Variants in NAALADL2 observed in about 807,000 individuals in gnomAD.
NAALADL2 encodes the protein N-acetylated alpha-linked acidic dipeptidase like 2, also known as inactive N-acetylated-alpha-linked acidic dipeptidase-like protein 2.
A neutral mutation model predicts 87.2 loss-of-function variants in NAALADL2; 76 were observed. That is an observed-to-expected ratio of 0.87 (90% CI 0.72 to 1.05). The LOEUF (loss-of-function observed/expected upper bound fraction) is 1.05, where lower values mean the gene tolerates loss of function less well. Ranked by LOEUF, NAALADL2 falls within the 50% of genes least tolerant of loss-of-function variation. The probability of loss-of-function intolerance (pLI) is 0.00; values close to 1 mark genes in which losing one functional copy is unlikely to be tolerated. For synonymous variants in NAALADL2, 354 were observed against 331.0 expected (o/e 1.07, Z -0.75); for missense variants, 1,089 against 945.8 (o/e 1.15, Z -1.99).
At chr3:175,768,919 A>G (rs1749111799) in intron 13 of NAALADL2, among the ~76,000 whole-genome samples, 1 of 152,092 alleles carries the variant, frequency 6.6e-6, no homozygotes, top group African/African-American at 2.4e-5. Flanking sequence ...TTTAAAACTG[A>G]GTTTGAATAA....
intron 1 of NAALADL2, among the ~76,000 whole-genome samples, chr3:174,546,241 T>A (rs976304932): frequency 6.6e-6 from 1 of 152,098 alleles, no homozygotes; most frequent in Non-Finnish European, 1.5e-5. Flanking sequence ...AGGAAGAGTA[T>A]GAAATTCCCA....
intron 9 of NAALADL2, among the ~76,000 whole-genome samples, chr3:175,487,806 T>C (rs1727519219): frequency 6.6e-6 from 1 of 152,190 alleles, no homozygotes; most frequent in African/African-American, 2.4e-5. Context: ...AGAAAATGTG[T>C]CTAATCCAGA....
At chr3:175,714,549 T>C (rs1740980213) in intron 11 of NAALADL2, among the ~76,000 whole-genome samples, 1 of 152,212 alleles carries the variant, frequency 6.6e-6, no homozygotes, top group African/African-American at 2.4e-5. Context: ...TGTCTGTTCA[T>C]ATCCTTTGCC....
At chr3:174,873,233 A>C (rs1039888591) in intron 1 of NAALADL2, among the ~76,000 whole-genome samples, 1 of 15,192 alleles carries the variant, frequency 6.6e-5, no homozygotes, top group Non-Finnish European at 2.1e-4. Flanking sequence ...ACATGTCTTT[A>C]TTTATTTATT....
chr3:174,611,653 G>A (rs749417685), intron 2 of NAALADL2, among the ~76,000 whole-genome samples: 6 of 152,070 alleles, frequency 3.9e-5, no homozygotes, highest in Non-Finnish European at 1.5e-5. Flanking sequence ...GAGCAGTGGT[G>A]TGATCTCGGC....
intron 2 of NAALADL2, among the ~76,000 whole-genome samples, chr3:175,166,542 C>A (rs1734030298): frequency 6.6e-6 from 1 of 150,620 alleles, no homozygotes; most frequent in Admixed American, 6.7e-5. Context: ...AAACCATGTT[C>A]TTTTTGACTT....
At chr3:175,733,993 C>G (rs1744147845) in intron 11 of NAALADL2, among the ~76,000 whole-genome samples, 1 of 152,176 alleles carries the variant, frequency 6.6e-6, no homozygotes, top group Non-Finnish European at 1.5e-5. Flanking sequence ...GTATAGCCCC[C>G]CTCCTGGCTG....
intron 1 of NAALADL2, among the ~76,000 whole-genome samples, chr3:174,860,776 ATT>A (rs1560295389): frequency 1.3e-5 from 2 of 151,588 alleles, no homozygotes; most frequent in Admixed American, 1.3e-4. Flanking sequence ...CATGGGTAAT[ATT>A]TTTTTAATTG....
chr3:175,722,081 C>T (rs569618725), intron 11 of NAALADL2, among the ~76,000 whole-genome samples: 10 of 152,096 alleles, frequency 6.6e-5, no homozygotes, highest in Non-Finnish European at 1.0e-4. Flanking sequence ...GTAAAAGTAA[C>T]GTATTGAGAG....
At chr3:175,141,158 T>C (rs1729936190) in intron 2 of NAALADL2, among the ~76,000 whole-genome samples, 1 of 152,144 alleles carries the variant, frequency 6.6e-6, no homozygotes. Flanking sequence ...GGCTTCCTGT[T>C]GTTAGCTCAG....
At chr3:174,748,088 A>G (rs1429730430) in intron 3 of NAALADL2, among the ~76,000 whole-genome samples, 3 of 152,030 alleles carry the variant, frequency 2.0e-5, no homozygotes, top group Non-Finnish European at 2.9e-5. Context: ...ACATGTTCTC[A>G]CTTATAAGTG....
At chr3:174,716,062 C>T (rs1412752818) in intron 2 of NAALADL2, among the ~76,000 whole-genome samples, 1 of 152,108 alleles carries the variant, frequency 6.6e-6, no homozygotes, top group Non-Finnish European at 1.5e-5. Flanking sequence ...TAGCATTTGA[C>T]ATTTTCTACT....
intron 1 of NAALADL2, among the ~76,000 whole-genome samples, chr3:174,915,155 A>C (rs1166025297): frequency 1.3e-5 from 2 of 152,176 alleles, no homozygotes; most frequent in Non-Finnish European, 1.5e-5. Flanking sequence ...TAAAGCTTAG[A>C]AAACATTTTT....
intron 3 of NAALADL2, among the ~76,000 whole-genome samples, chr3:175,248,105 G>T (rs747854198): frequency 1.3e-5 from 2 of 152,126 alleles, no homozygotes; most frequent in Admixed American, 1.3e-4. Context: ...CTTTGGCAAA[G>T]AATCGATAAC....
chr3:175,745,754 C>A (rs890479815), intron 12 of NAALADL2, among the ~76,000 whole-genome samples: 4 of 152,110 alleles, frequency 2.6e-5, no homozygotes, highest in East Asian at 1.9e-4. Context: ...TAAAATACAA[C>A]CCTACCCTTG....
At chr3:174,963,763 T>A (rs959386907) in intron 1 of NAALADL2, among the ~76,000 whole-genome samples, 1 of 152,132 alleles carries the variant, frequency 6.6e-6, no homozygotes, top group Non-Finnish European at 1.5e-5. Context: ...TAAAATCATG[T>A]TTAGAAAATG....
At chr3:174,546,521 T>G (rs1722749216) in intron 1 of NAALADL2, among the ~76,000 whole-genome samples, 1 of 152,184 alleles carries the variant, frequency 6.6e-6, no homozygotes, top group African/African-American at 2.4e-5. Context: ...CCCCAGGGGT[T>G]CTGTGATACA....
chr3:175,581,678 G>A (rs895040281), intron 10 of NAALADL2, among the ~76,000 whole-genome samples: 4 of 151,998 alleles, frequency 2.6e-5, no homozygotes, highest in Non-Finnish European at 1.5e-5. Context: ...TAAACTTTTT[G>A]TACTCCACAC....
intron 2 of NAALADL2, among the ~76,000 whole-genome samples, chr3:174,730,806 G>GT (rs902202403): frequency 1.3e-5 from 2 of 151,908 alleles, no homozygotes; most frequent in African/African-American, 2.4e-5. Context: ...TTAAGAAGTA[G>GT]TTTTTTTAAT....
Sources: gnomAD v4.1 joint callset for allele counts (sites outside exome capture counted in the v4.1 genomes callset) on GRCh38, gnomAD v4.1.1 for gene constraint, MANE v1.5 for transcripts, NCBI Gene and HGNC (gene_info 2026-07-23, HGNC 2026-07-21) for gene names.